ABLIM2: variants seen among roughly 807,000 people sequenced by gnomAD.
ABLIM2 encodes actin-binding LIM protein 2.
In ABLIM2, 53 loss-of-function variants were observed where a neutral mutation model predicts 97.7. That is an observed-to-expected ratio of 0.54 (90% CI 0.44 to 0.68). The LOEUF (loss-of-function observed/expected upper bound fraction) is 0.68. Ranked by LOEUF, ABLIM2 falls within the 30% of genes least tolerant of loss-of-function variation. The probability of loss-of-function intolerance (pLI) is 0.00; values close to 1 mark genes in which losing one functional copy is unlikely to be tolerated. For synonymous variants in ABLIM2, 361 were observed against 345.8 expected (o/e 1.04, Z -0.49); for missense variants, 835 against 867.2 (o/e 0.96, Z 0.47).
chr4:8,151,900 G>A (rs1303143262), intron 1 of ABLIM2, among the ~76,000 whole-genome samples: 1 of 151,856 alleles, frequency 6.6e-6, no homozygotes, highest in Non-Finnish European at 1.5e-5. Flanking sequence ...TTCCAGGGGG[G>A]CACATGGGCT....
intron 16 of ABLIM2, chr4:8,007,498 G>T: frequency 2.0e-6 from 2 of 985,542 alleles, no homozygotes; most frequent in Non-Finnish European, 2.4e-6. Flanking sequence ...TACAGCGGCC[G>T]GAAGCAAACA....
intron 4 of ABLIM2, among the ~76,000 whole-genome samples, chr4:8,086,207 T>G (rs746152768): frequency 1.3e-5 from 2 of 150,236 alleles, no homozygotes; most frequent in Non-Finnish European, 2.9e-5. Flanking sequence ...TCTTTGAAAA[T>G]GCAAATTTGA....
chr4:8,026,508 C>G (rs1313372483), intron 12 of ABLIM2, among the ~76,000 whole-genome samples: 1 of 152,260 alleles, frequency 6.6e-6, no homozygotes, highest in Non-Finnish European at 1.5e-5. Flanking sequence ...ATGGAGAGTC[C>G]AGCTGCCTGC....
chr4:8,034,182 T>C (rs566175862), intron 10 of ABLIM2, among the ~76,000 whole-genome samples: 49 of 152,304 alleles, frequency 3.2e-4, no homozygotes, highest in Middle Eastern at 6.8e-3. Context: ...TTCCAGCATC[T>C]GGTCCAGGTG....
chr4:8,056,924 T>C (rs1406339703), intron 7 of ABLIM2, among the ~76,000 whole-genome samples: 1 of 67,824 alleles, frequency 1.5e-5, no homozygotes, highest in African/African-American at 6.2e-5. Context: ...AGAGCGAAAC[T>C]CCGTCTCAAA....
Position 8,158,752 on chromosome 4 carries a change from G to GGTGCCGCGCCCGCGCT in ABLIM2, c.-79_-64dup. 1 of 1,331,596 alleles carries GGTGCCGCGCCCGCGCT rather than the reference G, an allele frequency of 7.5e-7. No homozygotes were observed. Among genetic ancestry groups the GGTGCCGCGCCCGCGCT allele is most frequent in the Non-Finnish European group, 9.6e-7 (1 of 1,043,538 alleles). 82.5% of individuals were successfully genotyped at this position (1,331,596 alleles called of 1,614,324 possible). A position where few individuals can be genotyped will look rare whatever the true frequency, so the allele number is the denominator to read the frequency against. Reference sequence around the variant, plus strand: ...CGACAGCCAGACCCTCGGGCCCGCAGGTGCCGCGCCCGCGCTATCCTCCGC... The same window carrying GGTGCCGCGCCCGCGCT: ...CGACAGCCAGACCCTCGGGCCCGCAGGTGCCGCGCCCGCGCTGTGCCGCGCCCGCGCTATCCTCCGC... On this transcript the variant is annotated 5_prime_UTR_variant, in exon 1 of 21. Coordinates refer to ENST00000447017, the MANE Select transcript of ABLIM2 (RefSeq NM_001130083.2).
In ABLIM2 at chr4:7,966,983, G is replaced by A; in HGVS notation, c.*7C>T. On this transcript the variant is annotated 3_prime_UTR_variant, in exon 21 of 21. Coordinates refer to ENST00000447017, the MANE Select transcript of ABLIM2 (RefSeq NM_001130083.2). ...CGGCACACACCAGTGGGGCAGGCTGGCAGCCGTCAGAACAAAAGGGCTTTC... is the reference window on the plus strand; with the variant it reads ...CGGCACACACCAGTGGGGCAGGCTGACAGCCGTCAGAACAAAAGGGCTTTC... The A allele has an allele frequency of 6.2e-7, 1 of 1,611,030 alleles. No individual in the cohort carries two copies. The highest frequency in any genetic ancestry group is 8.5e-7 in the Non-Finnish European group (1 of 1,178,518).
chr4:8,098,475 T>A (rs1832812899), intron 2 of ABLIM2, among the ~76,000 whole-genome samples: 1 of 152,160 alleles, frequency 6.6e-6, no homozygotes, highest in African/African-American at 2.4e-5. Context: ...CCCTCAACAT[T>A]TGCCTACAAA....
chr4:8,151,316 C>A (rs916185478), intron 1 of ABLIM2, among the ~76,000 whole-genome samples: 1 of 152,128 alleles, frequency 6.6e-6, no homozygotes, highest in Non-Finnish European at 1.5e-5. Flanking sequence ...CTGCTGATGG[C>A]GAGAAGCCCC....
Position 8,112,828 on chromosome 4 carries a change from T to G in ABLIM2, c.11-6191A>C, listed in dbSNP as rs1367736512. Among the ~76,000 whole-genome samples, 1 of 152,166 alleles carries G rather than the reference T, an allele frequency of 6.6e-6. No homozygotes were observed. Among genetic ancestry groups the G allele is most frequent in the Admixed American group, 6.5e-5 (1 of 15,278 alleles). On this transcript the variant is annotated intron_variant, in intron 1 of 20. Transcript: ENST00000447017. The surrounding 1 kb of genome is among the most constrained non-coding windows in gnomAD (Gnocchi z 4.2). ...AAGAGACTGAGGCCCAGCTCAGGTGTGTCCGAGGCTCCTCCTCCCACCCCT... is the reference window on the plus strand; with the variant it reads ...AAGAGACTGAGGCCCAGCTCAGGTGGGTCCGAGGCTCCTCCTCCCACCCCT...
intron 16 of ABLIM2, chr4:8,006,994 G>A: frequency 1.2e-5 from 12 of 983,804 alleles, no homozygotes; most frequent in Non-Finnish European, 1.4e-5. Flanking sequence ...ACAGACACCT[G>A]CTTACAGAGA....
intron 9 of ABLIM2, among the ~76,000 whole-genome samples, chr4:8,036,569 G>T (rs1333061147): frequency 6.6e-6 from 1 of 152,218 alleles, no homozygotes; most frequent in East Asian, 1.9e-4. Flanking sequence ...GTGAAATGGG[G>T]ACGGGGTCAA....
At chr4:7,980,941 A>ATTTTTTTTTTTTTTTTT (rs1167615555) in intron 20 of ABLIM2, among the ~76,000 whole-genome samples, 2,689 of 82,764 alleles carry the variant, frequency 0.032, 589 homozygotes, top group East Asian at 0.18. Flanking sequence ...ACAACCCCTT[A>ATTTTTTTTTTTTTTTTT]TTTTTTTTTT....
rs1203548737 is a variant in ABLIM2 at position 8,068,218 on chromosome 4, C to A, written c.676-7164G>T. Among the ~76,000 whole-genome samples the A allele has an allele frequency of 6.6e-6, 1 of 152,174 alleles. No individual in the cohort carries two copies. Among genetic ancestry groups the A allele is most frequent in the Non-Finnish European group, 1.5e-5 (1 of 68,036 alleles). ...AAGTCCCACCCTCGCCCGCGTGGGGCTCATGATGGCTCGGATTTCAAAATA... is the reference window on the plus strand; with the variant it reads ...AAGTCCCACCCTCGCCCGCGTGGGGATCATGATGGCTCGGATTTCAAAATA... On this transcript the variant is annotated intron_variant, in intron 6 of 20. Transcript: ENST00000447017. The surrounding 1 kb of genome is among the most constrained non-coding windows in gnomAD (Gnocchi z 4.5).
In ABLIM2 at chr4:8,113,158, A is replaced by G. The variant is rs570495161; in HGVS notation, c.11-6521T>C. 1.6e-3 allele frequency among the ~76,000 whole-genome samples: 242 copies of G among 152,232 alleles called. 1 individual carries two copies. The highest frequency in any genetic ancestry group is 5.6e-3 in the African/African-American group (234 of 41,536). On this transcript the variant is annotated intron_variant, in intron 1 of 20. Coordinates refer to ENST00000447017, the MANE Select transcript of ABLIM2 (RefSeq NM_001130083.2). The surrounding 1 kb of genome is among the most constrained non-coding windows in gnomAD (Gnocchi z 4.5). ...CAACCAGGCTGGAGTGCAGTGGCGC[A>G]GTCTCAGCTCACTGCAGCCTCAACC...
At chr4:8,013,949 G>A (rs562406639) in intron 14 of ABLIM2, among the ~76,000 whole-genome samples, 5 of 152,336 alleles carry the variant, frequency 3.3e-5, no homozygotes, top group African/African-American at 1.2e-4. Context: ...CTCTTTGGCG[G>A]CATCAACACA....
Position 8,033,410 on chromosome 4 carries a change from G to A in ABLIM2, c.1047+2739C>T, listed in dbSNP as rs1337517552. 6.6e-6 allele frequency among the ~76,000 whole-genome samples: 1 copy of A among 152,230 alleles called. No individual in the cohort carries two copies. The highest frequency in any genetic ancestry group is 2.4e-5 in the African/African-American group (1 of 41,460). ...CCCTGTGAAGCCCTGTGCCATGGGA[G>A]GTGGGAAGCTGAAGGCCATGGGTGG... is the stretch of plus-strand genomic sequence containing the variant. On this transcript the variant is annotated intron_variant, in intron 10 of 20. Coordinates refer to ENST00000447017, the MANE Select transcript of ABLIM2 (RefSeq NM_001130083.2). The surrounding 1 kb of genome is among the most constrained non-coding windows in gnomAD (Gnocchi z 4.5).
Position 8,149,974 on chromosome 4 carries a change from C to A in ABLIM2, c.10+8706G>T, listed in dbSNP as rs1025323817. On this transcript the variant is annotated intron_variant, in intron 1 of 20. Transcript: ENST00000447017. The surrounding 1 kb of genome is among the most constrained non-coding windows in gnomAD (Gnocchi z 6.4). ...CCTCCTGGCTTCCCCTCCCTTCCCC[C>A]CTTACCCTCCTCACACCTCCCTCGT... is the stretch of plus-strand genomic sequence containing the variant. 2.6e-5 allele frequency among the ~76,000 whole-genome samples: 4 copies of A among 152,260 alleles called. No individual in the cohort carries two copies. Among genetic ancestry groups the A allele is most frequent in the East Asian group, 1.9e-4 (1 of 5,172 alleles).
At chr4:8,114,777 C>A (rs1517524) in intron 1 of ABLIM2, among the ~76,000 whole-genome samples, 2 of 151,978 alleles carry the variant, frequency 1.3e-5, no homozygotes, top group Non-Finnish European at 1.5e-5. Flanking sequence ...AGGCCAGCAC[C>A]GGGCCGATGT....
Sources: allele counts gnomAD v4.1 joint callset (sites outside exome capture counted in the v4.1 genomes callset), GRCh38; gene constraint gnomAD v4.1.1; non-coding constraint Gnocchi (gnomAD v3.1); transcripts MANE v1.5; gene names NCBI Gene and HGNC (gene_info 2026-07-23, HGNC 2026-07-21).